GNAQ: variants seen among roughly 807,000 people sequenced by gnomAD.
GNAQ encodes the protein guanine nucleotide-binding protein G(q) subunit alpha.
Under a neutral mutation model 43.9 loss-of-function variants are expected in GNAQ, and 8 were observed. The ratio of observed to expected loss-of-function variants is 0.18; its 90% CI spans 0.11 to 0.33. GNAQ has a LOEUF of 0.33. Ranked by LOEUF, GNAQ falls within the 10% of genes least tolerant of loss-of-function variation. The pLI, the probability that GNAQ is intolerant of heterozygous loss-of-function variation, is 1.00. For missense variants in GNAQ, 158 were observed against 450.8 expected, an observed-to-expected ratio of 0.35 and a Z score of 5.88; for synonymous variants, 155 against 170.7, an observed-to-expected ratio of 0.91 and a Z score of 0.71.
chr9:78,024,508 C>A (rs1246816836), intron 1 of GNAQ, among the ~76,000 whole-genome samples: 6 of 152,174 alleles, frequency 3.9e-5, no homozygotes, highest in Admixed American at 3.9e-4. Context: ...TTCCAATCCA[C>A]TTAGAAACAC....
intron 1 of GNAQ, among the ~76,000 whole-genome samples, chr9:77,926,258 A>G (rs1829071415): frequency 6.6e-6 from 1 of 152,160 alleles, no homozygotes; most frequent in African/African-American, 2.4e-5. Context: ...CTGAGTTTGA[A>G]ATGGCCATTT....
chr9:77,845,207 AAAT>A (rs549963490), intron 2 of GNAQ, among the ~76,000 whole-genome samples: 88 of 152,330 alleles, frequency 5.8e-4, no homozygotes, highest in African/African-American at 2.1e-3. Flanking sequence ...AGAAAATCTA[AAAT>A]GGTATTACAT....
chr9:77,911,161 C>CGG (rs1337939165), intron 2 of GNAQ, among the ~76,000 whole-genome samples: 1 of 152,160 alleles, frequency 6.6e-6, no homozygotes, highest in African/African-American at 2.4e-5. Flanking sequence ...GAGCTGAAGA[C>CGG]AAGCTGAGCT....
chr9:77,992,599 A>T (rs1823521724), intron 1 of GNAQ, among the ~76,000 whole-genome samples: 1 of 152,194 alleles, frequency 6.6e-6, no homozygotes, highest in Non-Finnish European at 1.5e-5. Flanking sequence ...AAGGTATGAA[A>T]TAACTTAGTT....
chr9:77,796,136 C>T (rs1564113037), intron 4 of GNAQ, among the ~76,000 whole-genome samples: 1 of 152,288 alleles, frequency 6.6e-6, no homozygotes, highest in Non-Finnish European at 1.5e-5. Flanking sequence ...TAATGCAATA[C>T]AACCATTTTA....
At chr9:77,867,558 C>T (rs1827967947) in intron 2 of GNAQ, among the ~76,000 whole-genome samples, 1 of 152,132 alleles carries the variant, frequency 6.6e-6, no homozygotes, top group Non-Finnish European at 1.5e-5. Flanking sequence ...TAAGATTATA[C>T]ACTCATCTGA....
intron 1 of GNAQ, among the ~76,000 whole-genome samples, chr9:77,990,356 A>C (rs1823493259): frequency 6.6e-6 from 1 of 152,176 alleles, no homozygotes. Context: ...TAGCTGGGCC[A>C]CCAAATGAGC....
intron 1 of GNAQ, among the ~76,000 whole-genome samples, chr9:77,943,856 G>A (rs1486488767): frequency 6.6e-6 from 1 of 151,888 alleles, no homozygotes; most frequent in Non-Finnish European, 1.5e-5. Flanking sequence ...TAGTAGAGAT[G>A]TGGTTTTGCC....
intron 5 of GNAQ, among the ~76,000 whole-genome samples, chr9:77,749,692 T>G (rs892506370): frequency 6.6e-6 from 1 of 152,130 alleles, no homozygotes; most frequent in Non-Finnish European, 1.5e-5. Flanking sequence ...CAATCCACAG[T>G]AAGAAATACA....
intron 2 of GNAQ, among the ~76,000 whole-genome samples, chr9:77,902,149 C>T (rs1466064473): frequency 1.3e-5 from 2 of 152,188 alleles, no homozygotes; most frequent in African/African-American, 4.8e-5. Context: ...CACCTCTTAG[C>T]ATTACATTAA....
At chr9:77,735,167 T>C (rs767493503) in intron 5 of GNAQ, among the ~76,000 whole-genome samples, 28 of 152,200 alleles carry the variant, frequency 1.8e-4, no homozygotes, top group Non-Finnish European at 3.8e-4. Flanking sequence ...CACTCTTCAC[T>C]CTCTTTTTTA....
intron 1 of GNAQ, among the ~76,000 whole-genome samples, chr9:78,029,419 ACATT>A (rs892762601): frequency 6.6e-6 from 1 of 152,102 alleles, no homozygotes; most frequent in African/African-American, 2.4e-5. Context: ...AACTCAGAAA[ACATT>A]CAACTGCCTG....
chr9:77,720,469 G>C lies in GNAQ; in HGVS notation c.*854C>G, dbSNP rs979653923. 94 of 233,450 alleles carry C rather than the reference G, an allele frequency of 4.0e-4. No individual in the cohort carries two copies. The highest frequency in any genetic ancestry group is 2.0e-3 in the African/African-American group (91 of 45,346). 14.5% of individuals were successfully genotyped at this position (233,450 alleles called of 1,614,324 possible). On this transcript the variant is annotated 3_prime_UTR_variant, in exon 7 of 7. Transcript: ENST00000286548. ...GGGTAGCAGCCATTAGGGTAATGTAGTGTCTGTTGGCATCTTTTTTGGCAT... is the reference window on the plus strand; with the variant it reads ...GGGTAGCAGCCATTAGGGTAATGTACTGTCTGTTGGCATCTTTTTTGGCAT...
intron 5 of GNAQ, among the ~76,000 whole-genome samples, chr9:77,792,171 T>C (rs1307215081): frequency 6.6e-6 from 1 of 152,164 alleles, no homozygotes; most frequent in African/African-American, 2.4e-5. Flanking sequence ...CATACTATCA[T>C]CAGGCTTGAC....
At chr9:77,784,245 G>C (rs1244207092) in intron 5 of GNAQ, among the ~76,000 whole-genome samples, 1 of 151,762 alleles carries the variant, frequency 6.6e-6, no homozygotes, top group Non-Finnish European at 1.5e-5. Flanking sequence ...AAGGTAATTT[G>C]ATAATATATC....
At chr9:77,819,778 G>C (rs1368871184) in intron 2 of GNAQ, among the ~76,000 whole-genome samples, 1 of 99,084 alleles carries the variant, frequency 1.0e-5, no homozygotes, top group Non-Finnish European at 2.5e-5. Context: ...TAAATGGACT[G>C]TGGAAAAAAA....
At chr9:77,779,012 C>T (rs1826347218) in intron 5 of GNAQ, among the ~76,000 whole-genome samples, 1 of 151,886 alleles carries the variant, frequency 6.6e-6, no homozygotes, top group Non-Finnish European at 1.5e-5. Flanking sequence ...TGAACAGATC[C>T]AGCATGCAGA....
chr9:77,820,087 C>CA lies in GNAQ; in HGVS notation c.322-4318dup, dbSNP rs3083136. 5.6e-3 allele frequency among the ~76,000 whole-genome samples: 592 copies of CA among 104,904 alleles called. 2 individuals are homozygous for CA. The highest frequency in any genetic ancestry group is 0.018 in the South Asian group (58 of 3,272). The allele number at this position is 104,904 out of a possible 152,430, so 68.8% of individuals were successfully genotyped here. ...TTAAGGCTACTAGTTATTTAAAATG[C>CA]AAAAAAAAAAAAAAAAAAAGGAAAA... On this transcript the variant is annotated intron_variant, in intron 2 of 6. Coordinates refer to ENST00000286548, the MANE Select transcript of GNAQ (RefSeq NM_002072.5).
chr9:77,847,598 A>G (rs1203891408), intron 2 of GNAQ, among the ~76,000 whole-genome samples: 1 of 152,234 alleles, frequency 6.6e-6, no homozygotes, highest in East Asian at 1.9e-4. Flanking sequence ...GGCACATACA[A>G]TTAGTTTTTT....
Sources: gnomAD v4.1 joint callset for allele counts (sites outside exome capture counted in the v4.1 genomes callset) on GRCh38, gnomAD v4.1.1 for gene constraint, MANE v1.5 for transcripts, NCBI Gene and HGNC (gene_info 2026-07-23, HGNC 2026-07-21) for gene names.